The following NUMB variants were observed in gnomAD, a reference collection of about 807,000 sequenced individuals.
NUMB encodes the protein protein numb homolog.
NUMB carries 29 observed loss-of-function variants against 59.7 expected under a neutral mutation model. That is an observed-to-expected ratio of 0.49 (90% CI 0.36 to 0.66). The LOEUF is 0.66. NUMB is among the 30% of genes least tolerant of loss of function. The pLI is 0.00. For synonymous variants in NUMB, 288 were observed against 288.2 expected, an observed-to-expected ratio of 1.00 and a Z score of 0.01; for missense variants, 723 against 822.0, an observed-to-expected ratio of 0.88 and a Z score of 1.47.
intron 4 of NUMB, among the ~76,000 whole-genome samples, chr14:73,335,197 G>A (rs1892236700): frequency 6.6e-6 from 1 of 150,454 alleles, no homozygotes; most frequent in Non-Finnish European, 1.5e-5. Flanking sequence ...TGTAGGATCT[G>A]AGGAATGGAT....
chr14:73,411,352 CA>C (rs34813882), intron 1 of NUMB, among the ~76,000 whole-genome samples: 117,101 of 151,040 alleles, frequency 0.78, 45,710 homozygotes, highest in African/African-American at 0.88. Flanking sequence ...CTTTAAACCT[CA>C]AGTTTATTTG....
chr14:73,304,388 G>A (rs1032260899), intron 6 of NUMB, among the ~76,000 whole-genome samples: 2 of 152,038 alleles, frequency 1.3e-5, no homozygotes, highest in Non-Finnish European at 2.9e-5. Context: ...ACAGCTCACT[G>A]CAGCCTCAAA....
intron 6 of NUMB, among the ~76,000 whole-genome samples, chr14:73,300,126 CAAT>C (rs1890049515): frequency 6.6e-6 from 1 of 152,078 alleles, no homozygotes; most frequent in African/African-American, 2.4e-5. Flanking sequence ...ACATTTTCAA[CAAT>C]GACATCCTCT....
In NUMB at chr14:73,301,617, T is replaced by G. The variant is rs972477771; in HGVS notation, c.235-4332A>C. On this transcript the variant is annotated intron_variant, in intron 6 of 12. Coordinates refer to ENST00000555238, the MANE Select transcript of NUMB (RefSeq NM_001005743.2). ...CATACCCAGCTAATTTTTAAACAAT[T>G]TTTTGTAGAGACAGGGTCTTGCCCT... Among the ~76,000 whole-genome samples the G allele has an allele frequency of 2.4e-4, 36 of 152,122 alleles. 1 individual carries two copies. Among genetic ancestry groups the G allele is most frequent in the African/African-American group, 8.4e-4 (35 of 41,436 alleles).
chr14:73,358,602 CTTT>C (rs35552161), intron 3 of NUMB, among the ~76,000 whole-genome samples: 2 of 118,936 alleles, frequency 1.7e-5, no homozygotes, highest in Non-Finnish European at 1.8e-5. Flanking sequence ...GAAAGCTAGA[CTTT>C]TTTTTTTTTT....
chr14:73,389,272 C>CAAAAAAAAAAAAAAAAAAAA (rs869074049), intron 2 of NUMB, among the ~76,000 whole-genome samples: 18 of 66,472 alleles, frequency 2.7e-4, no homozygotes, highest in African/African-American at 9.3e-4. Context: ...CTCCATCTCT[C>CAAAAAAAAAAAAAAAAAAAA]AAAAAAAAAA....
chr14:73,296,605 T>C (rs1889790609), intron 7 of NUMB, among the ~76,000 whole-genome samples: 1 of 152,196 alleles, frequency 6.6e-6, no homozygotes, highest in Non-Finnish European at 1.5e-5. Flanking sequence ...TCTCAGGAGA[T>C]TGTACTTTGG....
At chr14:73,314,134 A>T in intron 6 of NUMB, among the ~76,000 whole-genome samples, 1 of 152,350 alleles carries the variant, frequency 6.6e-6, no homozygotes, top group South Asian at 2.1e-4. Flanking sequence ...AAGAAAGTAA[A>T]AGTGAGTTTC....
intron 2 of NUMB, among the ~76,000 whole-genome samples, chr14:73,374,101 C>A (rs1393510398): frequency 6.6e-6 from 1 of 152,098 alleles, no homozygotes; most frequent in East Asian, 1.9e-4. Context: ...AACCCCTGAC[C>A]TTAGGTGATC....
At chr14:73,421,402 C>G (rs944194276) in intron 1 of NUMB, among the ~76,000 whole-genome samples, 4 of 152,130 alleles carry the variant, frequency 2.6e-5, no homozygotes, top group African/African-American at 9.7e-5. Flanking sequence ...CCAGGCTGGT[C>G]TTGAAGCCTC....
rs1566775268 is a variant in NUMB, at chr14:73,389,299, A to AC, written c.-101+20637dup. Among the ~76,000 whole-genome samples the AC allele has an allele frequency of 4.4e-5, 6 of 136,112 alleles. 1 individual carries two copies. Among genetic ancestry groups the AC allele is most frequent in the South Asian group, 2.4e-4 (1 of 4,122 alleles). The allele number at this position is 136,112 out of a possible 152,430, so 89.3% of individuals were successfully genotyped here. A position where few individuals can be genotyped will look rare whatever the true frequency, so the allele number is the denominator to read the frequency against. ...AAAAAAAAAAAAAAAAAAAACAAAA[A>AC]CAAAAACACTGGTCTCTGTTTTATA... On this transcript the variant is annotated intron_variant, in intron 2 of 12. Coordinates refer to ENST00000555238, the MANE Select transcript of NUMB (RefSeq NM_001005743.2).
At position 73,411,378 on chromosome 14, in the gene NUMB, T is replaced by C. The variant is rs537666965; in HGVS notation, c.-232-1310A>G. The stretch of plus-strand genomic sequence containing the variant: ...AAGTTTATTTGCAAAATAATAATGA[T>C]TGCAGATACCACAGAATTGTGGTAA... On this transcript the variant is annotated intron_variant, in intron 1 of 12. Coordinates refer to ENST00000555238, the MANE Select transcript of NUMB (RefSeq NM_001005743.2). 7.2e-5 allele frequency among the ~76,000 whole-genome samples: 11 copies of C among 152,168 alleles called. No individual in the cohort carries two copies. The South Asian group carries it at 2.1e-3, about 29-fold the overall frequency.
At chr14:73,322,828 T>C (rs549676391) in intron 5 of NUMB, 1 of 159,772 alleles carries the variant, frequency 6.3e-6, no homozygotes, top group African/African-American at 2.4e-5. Flanking sequence ...CTTTTAAATT[T>C]TTTAATTATT....
intron 1 of NUMB, among the ~76,000 whole-genome samples, chr14:73,418,956 CAA>C (rs746110956): frequency 7.9e-5 from 12 of 152,000 alleles, no homozygotes; most frequent in Non-Finnish European, 1.6e-4. Flanking sequence ...AGAATAGGAC[CAA>C]AGAGTCACCC....
At chr14:73,296,372 T>C (rs1248042370) in intron 7 of NUMB, among the ~76,000 whole-genome samples, 1 of 148,106 alleles carries the variant, frequency 6.8e-6, no homozygotes, top group African/African-American at 2.5e-5. Context: ...ACCCAGGAGG[T>C]GGAGGTTGCA....
At chr14:73,413,928 T>C (rs1485966032) in intron 1 of NUMB, among the ~76,000 whole-genome samples, 1 of 152,140 alleles carries the variant, frequency 6.6e-6, no homozygotes, top group Non-Finnish European at 1.5e-5. Flanking sequence ...TTTTACTGTT[T>C]TAAATTTAAT....
At chr14:73,277,950 C>T (rs1197719094) in intron 12 of NUMB, among the ~76,000 whole-genome samples, 13 of 138,850 alleles carry the variant, frequency 9.4e-5, no homozygotes, top group Non-Finnish European at 1.5e-5. Context: ...CCCAGCTACT[C>T]GGGAGGCTGA....
chr14:73,337,093 G>A lies in NUMB; in HGVS notation c.127-13889C>T, dbSNP rs55914624. Among the ~76,000 whole-genome samples, 627 of 151,482 alleles carry A rather than the reference G, an allele frequency of 4.1e-3. 4 individuals are homozygous for A. Among genetic ancestry groups the A allele is most frequent in the African/African-American group, 0.014 (596 of 41,244 alleles). ...CAAAATATACCAAAATTAGCCGGGCGTGGTGGTGCCTGCCTGTCTCAAAAA... is the reference window on the plus strand; with the variant it reads ...CAAAATATACCAAAATTAGCCGGGCATGGTGGTGCCTGCCTGTCTCAAAAA... On this transcript the variant is annotated intron_variant, in intron 4 of 12. Transcript: ENST00000555238.
At chr14:73,287,532 C>G (rs1338802147) in intron 8 of NUMB, among the ~76,000 whole-genome samples, 5 of 151,884 alleles carry the variant, frequency 3.3e-5, no homozygotes, top group Admixed American at 6.6e-5. Flanking sequence ...CACGCACCAC[C>G]ACACCTGGCT....
Sources: allele counts gnomAD v4.1 joint callset (sites outside exome capture counted in the v4.1 genomes callset), GRCh38; gene constraint gnomAD v4.1.1; transcripts MANE v1.5; gene names NCBI Gene and HGNC (gene_info 2026-07-23, HGNC 2026-07-21).